Variants in XIRP2 observed in about 807,000 individuals in gnomAD.
XIRP2 encodes xin actin binding repeat containing 2.
In XIRP2, 236 loss-of-function variants were observed where a neutral mutation model predicts 277.0. That is an observed-to-expected ratio of 0.85 (90% CI 0.77 to 0.95). The LOEUF (loss-of-function observed/expected upper bound fraction) is 0.95. Among genes scored for constraint, XIRP2 ranks in the 40% least tolerant of loss-of-function variants. The pLI is 0.00. For missense variants in XIRP2, 4,640 were observed against 4,157.5 expected, an observed-to-expected ratio of 1.12 and a Z score of -3.19; for synonymous variants, 1,490 against 1,416.5, an observed-to-expected ratio of 1.05 and a Z score of -1.17.
At chr2:167,151,222 G>C (rs898178290) in intron 3 of XIRP2, among the ~76,000 whole-genome samples, 8 of 152,062 alleles carry the variant, frequency 5.3e-5, no homozygotes, top group African/African-American at 1.9e-4. Context: ...CAGCCTTATA[G>C]GATGCAGTTC....
intron 2 of XIRP2, among the ~76,000 whole-genome samples, chr2:166,913,080 A>G (rs1468189293): frequency 1.3e-5 from 2 of 152,184 alleles, no homozygotes; most frequent in Non-Finnish European, 2.9e-5. Flanking sequence ...CAGTCTATCC[A>G]TTCTCAGATC....
Position 167,258,298 on chromosome 2 carries a change from T to C in XIRP2, c.*481T>C. The C allele has an allele frequency of 1.2e-6, 2 of 1,613,388 alleles. No individual in the cohort carries two copies. The highest frequency in any genetic ancestry group is 2.2e-5 in the East Asian group (1 of 44,824). On this transcript the variant is annotated 3_prime_UTR_variant, in exon 11 of 11. Transcript: ENST00000409195. Reference sequence around the variant, plus strand: ...AAAGTGAATCTCTGCTAGAAGATGTTAGAACTCCAGAAAATAAAGGACAAA... The same window carrying C: ...AAAGTGAATCTCTGCTAGAAGATGTCAGAACTCCAGAAAATAAAGGACAAA...
Position 166,903,702 on chromosome 2 carries a change from A to G in XIRP2, c.220A>G (p.Lys74Glu). 6.2e-7 allele frequency: 1 copy of G among 1,613,698 alleles called. No homozygotes were observed. Among genetic ancestry groups the G allele is most frequent in the Non-Finnish European group, 8.5e-7 (1 of 1,179,802 alleles). ...TACAGGGGAAGAGATGTGGAGTTCG[A>G]AGCCGGAAGAGAAGGATTCTGTGGA... is the stretch of plus-strand genomic sequence containing the variant. ...YSTGEEMWSS[K>E]PEEKDSVDKS... Residue 74 changes from lysine to glutamate, a missense_variant, in exon 2 of 11, where the codon AAG becomes GAG. Transcript: ENST00000409195.
chr2:167,176,900 G>A (rs1692862337), intron 3 of XIRP2, among the ~76,000 whole-genome samples: 1 of 152,158 alleles, frequency 6.6e-6, no homozygotes, highest in South Asian at 2.1e-4. Context: ...GTGTTGGGGA[G>A]GGATGTGTCT....
chr2:167,074,715 C>G (rs976931845), intron 2 of XIRP2, among the ~76,000 whole-genome samples: 1 of 151,934 alleles, frequency 6.6e-6, no homozygotes, highest in South Asian at 2.1e-4. Context: ...TCCCGGCTCA[C>G]TGCAACTTCC....
intron 5 of XIRP2, among the ~76,000 whole-genome samples, chr2:167,228,256 G>A (rs7602259): frequency 0.15 from 22,326 of 152,084 alleles, 1,965 homozygotes; most frequent in African/African-American, 0.25. Context: ...GTCTGCTGAG[G>A]CATGATCATA....
chr2:167,223,189 G>T (rs1049410462), intron 5 of XIRP2, among the ~76,000 whole-genome samples: 1 of 151,934 alleles, frequency 6.6e-6, no homozygotes, highest in Admixed American at 6.6e-5. Flanking sequence ...AGCCCCAGAA[G>T]CTTCTTCTTT....
At chr2:167,075,269 T>C (rs1169626217) in intron 2 of XIRP2, among the ~76,000 whole-genome samples, 1 of 151,346 alleles carries the variant, frequency 6.6e-6, no homozygotes, top group African/African-American at 2.4e-5. Flanking sequence ...TAGAGGGAGG[T>C]GAAGAAGAAA....
chr2:167,207,114 T>G (rs532941066), intron 3 of XIRP2, among the ~76,000 whole-genome samples: 1 of 152,288 alleles, frequency 6.6e-6, no homozygotes, highest in Non-Finnish European at 1.5e-5. Context: ...ATAACTTATT[T>G]CAGATTTTTG....
At chr2:166,951,197 A>T (rs1003365937) in intron 2 of XIRP2, among the ~76,000 whole-genome samples, 1 of 152,086 alleles carries the variant, frequency 6.6e-6, no homozygotes, top group African/African-American at 2.4e-5. Flanking sequence ...GCTTGTATAT[A>T]CGTTAGGCCA....
chr2:167,096,910 C>T (rs1690334440), intron 2 of XIRP2, among the ~76,000 whole-genome samples: 1 of 152,080 alleles, frequency 6.6e-6, no homozygotes, highest in South Asian at 2.1e-4. Context: ...GTCTGAAAGG[C>T]TGTTTGTTAT....
Position 167,251,247 on chromosome 2 carries a change from C to A in XIRP2, c.9855C>A (p.Pro3285=). The A allele has an allele frequency of 6.2e-7, 1 of 1,613,468 alleles. No homozygotes were observed. Among genetic ancestry groups the A allele is most frequent in the Admixed American group, 1.7e-5 (1 of 59,958 alleles). Residue 3285 remains proline, a synonymous_variant, in exon 9 of 11, where the codon CCC becomes CCA. Transcript: ENST00000409195. ...DGLNSTDHMV[P]DTESYDAVEI... is the part of the protein sequence containing the mutation. ...TAAATTCCACTGATCACATGGTGCC[C>A]GACACTGAAAGTTATGATGCAGTTG...
At chr2:166,999,306 T>C (rs1432503892) in intron 2 of XIRP2, among the ~76,000 whole-genome samples, 2 of 152,088 alleles carry the variant, frequency 1.3e-5, no homozygotes, top group East Asian at 1.9e-4. Context: ...GTAAAACAAC[T>C]AGTAGATGTT....
At position 166,940,807 on chromosome 2, in the gene XIRP2, G is replaced by C. The variant is rs1244250549; in HGVS notation, c.408+36917G>C. On this transcript the variant is annotated intron_variant, in intron 2 of 10. Coordinates refer to ENST00000409195, the MANE Select transcript of XIRP2 (RefSeq NM_152381.6). ...TTGCTGCCTGGTCATTCCTCTAGAA[G>C]CTTCATCTCAGAGGGGTACCTGGCC... 2.6e-5 allele frequency among the ~76,000 whole-genome samples: 4 copies of C among 152,248 alleles called. No homozygotes were observed. The East Asian group carries it at 7.7e-4, about 29-fold the overall frequency.
intron 2 of XIRP2, among the ~76,000 whole-genome samples, chr2:166,974,119 G>T (rs1430961154): frequency 6.6e-6 from 1 of 152,074 alleles, no homozygotes; most frequent in Non-Finnish European, 1.5e-5. Flanking sequence ...AAAATAACAT[G>T]TGCTGATTGC....
intron 3 of XIRP2, among the ~76,000 whole-genome samples, chr2:167,199,748 A>G (rs1693626069): frequency 6.6e-6 from 1 of 152,170 alleles, no homozygotes; most frequent in African/African-American, 2.4e-5. Flanking sequence ...GCTGTTTCTC[A>G]AGTTTTCATT....
In XIRP2 at chr2:167,246,697, C is replaced by A. The variant is rs761118120; in HGVS notation, c.5305C>A (p.Leu1769Met). 5.6e-6 allele frequency: 9 copies of A among 1,613,490 alleles called. No homozygotes were observed. The African/African-American group carries it at 1.1e-4, about 19-fold the overall frequency. The change falls in exon 9 of 11, where the codon CTG (leucine) becomes ATG (methionine). Residue 1769 changes from leucine (L) to methionine (M), a missense_variant. By Grantham distance (15) the Leu-to-Met change is conservative. Coordinates refer to ENST00000409195, the MANE Select transcript of XIRP2 (RefSeq NM_152381.6). ...ACTCCACACAGAGTCAAATGAAACA[C>A]TGACAGCTAAGAAACAAGAAGGAGA... ...KQLHTESNETLTAKKQEGEKE... is the reference protein window; with the variant it reads ...KQLHTESNETMTAKKQEGEKE...
At chr2:166,942,447 T>C (rs1319704649) in intron 2 of XIRP2, among the ~76,000 whole-genome samples, 1 of 152,224 alleles carries the variant, frequency 6.6e-6, no homozygotes, top group Admixed American at 6.5e-5. Context: ...CCATGTCATA[T>C]ATAGGCAAAA....
intron 3 of XIRP2, among the ~76,000 whole-genome samples, chr2:167,174,021 T>G (rs1174139174): frequency 6.6e-6 from 1 of 152,146 alleles, no homozygotes; most frequent in Non-Finnish European, 1.5e-5. Flanking sequence ...TTTGCCAGTA[T>G]TTTATTGAGG....
Sources: allele counts gnomAD v4.1 joint callset (sites outside exome capture counted in the v4.1 genomes callset), GRCh38; gene constraint gnomAD v4.1.1; transcripts MANE v1.5; gene names NCBI Gene and HGNC (gene_info 2026-07-23, HGNC 2026-07-21).